The following CCDC125 variants were observed in gnomAD, a reference collection of about 807,000 sequenced individuals.
CCDC125 encodes coiled-coil domain containing 125.
Under a neutral mutation model 57.4 loss-of-function variants are expected in CCDC125, and 43 were observed. That is an observed-to-expected ratio of 0.75 (90% CI 0.59 to 0.97). CCDC125 has a LOEUF of 0.97. Among genes scored for constraint, CCDC125 ranks in the 50% least tolerant of loss-of-function variants. The probability of loss-of-function intolerance (pLI) is 0.00; values close to 1 mark genes in which losing one functional copy is unlikely to be tolerated. For missense variants in CCDC125, 563 were observed against 595.7 expected, an observed-to-expected ratio of 0.95 and a Z score of 0.57; for synonymous variants, 187 against 195.2, an observed-to-expected ratio of 0.96 and a Z score of 0.35.
chr5:69,315,450 C>CAAAA (rs1359288696), intron 2 of CCDC125, among the ~76,000 whole-genome samples: 1 of 4,868 alleles, frequency 2.1e-4, no homozygotes, highest in African/African-American at 4.1e-4. Flanking sequence ...AAAAAAAAAA[C>CAAAA]AAAAAAAAAA....
rs543543286 is a variant in CCDC125 at position 69,312,969 on chromosome 5, A to C, written c.366+1016T>G. Among the ~76,000 whole-genome samples, 8 of 152,212 alleles carry C rather than the reference A, an allele frequency of 5.3e-5. No homozygotes were observed. In the South Asian group the frequency reaches 1.7e-3, roughly 32 times the overall value. On this transcript the variant is annotated intron_variant, in intron 3 of 11. Transcript: ENST00000396496. ...CACAGGGAGGGGTCATCTCCACAAC[A>C]TTCCATTTATATACAGAACTAAACA... is the stretch of plus-strand genomic sequence containing the variant.
intron 1 of CCDC125, among the ~76,000 whole-genome samples, chr5:69,331,171 C>T (rs1004890582): frequency 1.3e-5 from 2 of 151,750 alleles, no homozygotes; most frequent in African/African-American, 4.8e-5. Context: ...GGTATGGTGG[C>T]GGGCGCCTTT....
At chr5:69,298,309 C>T (rs182024315) in intron 8 of CCDC125, among the ~76,000 whole-genome samples, 6 of 152,276 alleles carry the variant, frequency 3.9e-5, no homozygotes, top group South Asian at 4.1e-4. Flanking sequence ...CCACCGCGCC[C>T]GGCCCCTGTT....
chr5:69,288,200 A>G (rs979016877), intron 10 of CCDC125, among the ~76,000 whole-genome samples: 4 of 152,038 alleles, frequency 2.6e-5, no homozygotes, highest in Non-Finnish European at 4.4e-5. Context: ...AATCCCTTGG[A>G]ATTTCCTGGG....
At chr5:69,285,303 AC>A in intron 11 of CCDC125, 33 bp downstream of exon 11, 1 of 1,608,904 alleles carries the variant, frequency 6.2e-7, no homozygotes, top group Non-Finnish European at 8.5e-7. Flanking sequence ...GCTTGGCTTA[AC>A]CATAACCTGC....
At chr5:69,319,703 G>C (rs544540512) in intron 2 of CCDC125, among the ~76,000 whole-genome samples, 1 of 151,376 alleles carries the variant, frequency 6.6e-6, no homozygotes, top group Non-Finnish European at 1.5e-5. Context: ...GGATGGTCTC[G>C]ATCTCTTGAC....
At chr5:69,284,493 A>T (rs1752996975) in intron 11 of CCDC125, among the ~76,000 whole-genome samples, 1 of 152,176 alleles carries the variant, frequency 6.6e-6, no homozygotes, top group South Asian at 2.1e-4. Context: ...ATATATATAA[A>T]TGTAGATGGC....
chr5:69,296,129 G>A (rs11742878), intron 8 of CCDC125, among the ~76,000 whole-genome samples: 60,509 of 151,542 alleles, frequency 0.4, 12,990 homozygotes, highest in South Asian at 0.46. Context: ...TGATCTGCCC[G>A]CCTCAGCCTC....
intron 8 of CCDC125, among the ~76,000 whole-genome samples, chr5:69,297,174 T>C (rs1293339047): frequency 6.6e-6 from 1 of 152,066 alleles, no homozygotes; most frequent in Non-Finnish European, 1.5e-5. Flanking sequence ...CAAACTGAGA[T>C]TTCAGGCATA....
intron 9 of CCDC125, chr5:69,294,039 G>T: frequency 2.0e-6 from 1 of 510,642 alleles, no homozygotes; most frequent in Non-Finnish European, 2.5e-6. Context: ...CACACAGCTA[G>T]TAAATGGTGG....
rs186137902 is a variant in CCDC125, at chr5:69,298,304, G to A, written c.816+1708C>T. On this transcript the variant is annotated intron_variant, in intron 8 of 11. Transcript: ENST00000396496. ...GCTGGGATTACAGGCGTGAGCCACC[G>A]CGCCCGGCCCCTGTTGCTGTACTTT... Among the ~76,000 whole-genome samples, 280 of 152,296 alleles carry A rather than the reference G, an allele frequency of 1.8e-3. 1 individual carries two copies. The highest frequency in any genetic ancestry group is 5.5e-3 in the African/African-American group (229 of 41,576).
At chr5:69,298,023 T>TG (rs1333541488) in intron 8 of CCDC125, among the ~76,000 whole-genome samples, 11 of 136,244 alleles carry the variant, frequency 8.1e-5, no homozygotes, top group Admixed American at 2.1e-4. Context: ...AAAATAAAGT[T>TG]TTTTTTTTTT....
intron 8 of CCDC125, 74 bp from the exon 9 acceptor site, chr5:69,294,974 T>A: frequency 8.1e-7 from 1 of 1,241,374 alleles, no homozygotes; most frequent in South Asian, 1.3e-5. Context: ...CAGGGGCATT[T>A]ACACACATAC....
At chr5:69,313,091 G>C (rs1278082632) in intron 3 of CCDC125, among the ~76,000 whole-genome samples, 1 of 152,008 alleles carries the variant, frequency 6.6e-6, no homozygotes, top group African/African-American at 2.4e-5. Flanking sequence ...GAAAATACAG[G>C]CCCCCCCATA....
intron 1 of CCDC125, among the ~76,000 whole-genome samples, chr5:69,328,293 T>C (rs1760980655): frequency 6.6e-6 from 1 of 152,114 alleles, no homozygotes; most frequent in African/African-American, 2.4e-5. Flanking sequence ...TAATTTCTAA[T>C]TGGACAAAAT....
intron 1 of CCDC125, among the ~76,000 whole-genome samples, chr5:69,321,161 A>T (rs1759960754): frequency 6.6e-6 from 1 of 152,314 alleles, no homozygotes; most frequent in East Asian, 1.9e-4. Context: ...AAAATTGCTC[A>T]TAGAATAAAA....
chr5:69,274,957 C>T, the CCDC125 span, among the ~76,000 whole-genome samples: 6 of 151,648 alleles, frequency 4.0e-5, no homozygotes, highest in East Asian at 1.2e-3. Flanking sequence ...CAGCACTATG[C>T]TGCTGATGTA....
chr5:69,299,537 G>T (rs6881494), intron 8 of CCDC125, among the ~76,000 whole-genome samples: 6,946 of 152,258 alleles, frequency 0.046, 540 homozygotes, highest in African/African-American at 0.16. Flanking sequence ...TGCACCAGCA[G>T]ATTTTTGTTC....
At chr5:69,279,383 A>G (rs2150252849), downstream of CCDC125, among the ~76,000 whole-genome samples, 1 of 152,104 alleles carries the variant, frequency 6.6e-6, no homozygotes, top group African/African-American at 2.4e-5. Context: ...TTTTTAGTAG[A>G]GACGGGGTTT....
Sources: allele counts gnomAD v4.1 joint callset (sites outside exome capture counted in the v4.1 genomes callset), GRCh38; gene constraint gnomAD v4.1.1; transcripts MANE v1.5; gene names NCBI Gene and HGNC (gene_info 2026-07-23, HGNC 2026-07-21).